Variants in C1QTNF3 observed in about 807,000 individuals in gnomAD.
The protein encoded by C1QTNF3 is C1q and TNF related 3, also known as complement C1q tumor necrosis factor-related protein 3.
A neutral mutation model predicts 32.6 loss-of-function variants in C1QTNF3; 26 were observed. The observed-to-expected ratio is 0.80, with a 90% CI of 0.58 to 1.11. C1QTNF3 has a LOEUF of 1.11. C1QTNF3 is among the 50% of genes least tolerant of loss of function. The pLI, the probability that C1QTNF3 is intolerant of heterozygous loss-of-function variation, is 0.00. For missense variants in C1QTNF3, 362 were observed against 398.2 expected, an observed-to-expected ratio of 0.91 and a Z score of 0.77; for synonymous variants, 155 against 146.0, an observed-to-expected ratio of 1.06 and a Z score of -0.44.
At chr5:34,096,659 G>A in the C1QTNF3 span, among the ~76,000 whole-genome samples, 60 of 143,452 alleles carry the variant, frequency 4.2e-4, no homozygotes, top group African/African-American at 1.5e-3. Flanking sequence ...ACAGAGGCAG[G>A]GAAGAAACAA....
chr5:34,216,208 T>C, the C1QTNF3 span, among the ~76,000 whole-genome samples: 2 of 152,238 alleles, frequency 1.3e-5, no homozygotes, highest in African/African-American at 2.4e-5. Flanking sequence ...TATCTCTACA[T>C]TCTTCTTTAA....
the C1QTNF3 span, among the ~76,000 whole-genome samples, chr5:34,212,894 C>A: frequency 6.6e-6 from 1 of 151,422 alleles, no homozygotes; most frequent in South Asian, 2.1e-4. Context: ...ACCCAGCCAT[C>A]CCATTACTGG....
At chr5:34,143,683 C>T in the C1QTNF3 span, among the ~76,000 whole-genome samples, 1 of 152,140 alleles carries the variant, frequency 6.6e-6, no homozygotes, top group Non-Finnish European at 1.5e-5. Flanking sequence ...TCCCACCAAA[C>T]TAAACTTCAT....
chr5:34,157,158 T>G, the C1QTNF3 span, among the ~76,000 whole-genome samples: 10 of 152,322 alleles, frequency 6.6e-5, no homozygotes, highest in African/African-American at 2.4e-4. Flanking sequence ...GTCTTCTGTT[T>G]TCAATTACTG....
chr5:34,234,248 C>T, the C1QTNF3 span, among the ~76,000 whole-genome samples: 2 of 152,214 alleles, frequency 1.3e-5, no homozygotes, highest in African/African-American at 2.4e-5. Context: ...TGATTTCTTG[C>T]TTACATATCA....
chr5:34,162,217 G>A, the C1QTNF3 span, among the ~76,000 whole-genome samples: 74,232 of 151,970 alleles, frequency 0.49, 20,470 homozygotes, highest in Non-Finnish European at 0.61. Context: ...GCATAGCAAT[G>A]GCAGGTGAGT....
intron 3 of C1QTNF3, among the ~76,000 whole-genome samples, chr5:34,030,458 G>T (rs1754584548): frequency 6.6e-6 from 1 of 152,096 alleles, no homozygotes; most frequent in African/African-American, 2.4e-5. Context: ...ATTAGTAATT[G>T]GGCCTCAAAT....
the C1QTNF3 span, among the ~76,000 whole-genome samples, chr5:34,083,913 A>C: frequency 1.3e-5 from 2 of 151,898 alleles, no homozygotes; most frequent in African/African-American, 4.9e-5. Context: ...TATATTTCAA[A>C]GAAGTTTCCA....
At chr5:34,198,808 G>A in the C1QTNF3 span, among the ~76,000 whole-genome samples, 1 of 42,422 alleles carries the variant, frequency 2.4e-5, no homozygotes, top group Non-Finnish European at 4.6e-5. Context: ...ATTTTAAAAC[G>A]GAATTTTCAA....
chr5:34,112,778 T>C, the C1QTNF3 span, among the ~76,000 whole-genome samples: 1 of 152,212 alleles, frequency 6.6e-6, no homozygotes, highest in African/African-American at 2.4e-5. Flanking sequence ...TAATTTTTAA[T>C]AATAACTAGG....
chr5:34,124,312 CTGT>C, the C1QTNF3 span: 1 of 569,360 alleles, frequency 1.8e-6, no homozygotes, highest in Non-Finnish European at 3.2e-6. Context: ...ATGTATTAGG[CTGT>C]TGTTGCACTG....
chr5:34,055,369 G>A, the C1QTNF3 span, among the ~76,000 whole-genome samples: 1 of 152,174 alleles, frequency 6.6e-6, no homozygotes, highest in Non-Finnish European at 1.5e-5. Flanking sequence ...TCCCACTACT[G>A]TCACACAAAA....
At chr5:34,098,410 G>T in the C1QTNF3 span, among the ~76,000 whole-genome samples, 1 of 152,048 alleles carries the variant, frequency 6.6e-6, no homozygotes, top group African/African-American at 2.4e-5. Flanking sequence ...AACTTGGTTA[G>T]TTCACAATAA....
the C1QTNF3 span, among the ~76,000 whole-genome samples, chr5:34,050,833 T>G: frequency 6.6e-6 from 1 of 152,236 alleles, no homozygotes; most frequent in South Asian, 2.1e-4. Context: ...ATATGTCAGC[T>G]TCTGTCTTCC....
chr5:34,230,934 T>A, the C1QTNF3 span, among the ~76,000 whole-genome samples: 136 of 151,606 alleles, frequency 9.0e-4, no homozygotes, highest in Non-Finnish European at 1.5e-3. Context: ...TTATTTCTTG[T>A]ATGCTTGGCA....
chr5:34,111,274 C>T, the C1QTNF3 span, among the ~76,000 whole-genome samples: 9 of 152,056 alleles, frequency 5.9e-5, no homozygotes, highest in African/African-American at 2.2e-4. Flanking sequence ...ACGAAGGTGG[C>T]TTTTCCAGCC....
the C1QTNF3 span, among the ~76,000 whole-genome samples, chr5:34,139,602 A>G: frequency 1.3e-5 from 2 of 152,022 alleles, no homozygotes; most frequent in Non-Finnish European, 2.9e-5. Context: ...ACTAGAAACA[A>G]TATATTTTTT....
At chr5:34,140,162 AGCTATATGAAATGAAAGGAGAAAT>A in the C1QTNF3 span, among the ~76,000 whole-genome samples, 1 of 152,132 alleles carries the variant, frequency 6.6e-6, no homozygotes, top group African/African-American at 2.4e-5. Flanking sequence ...GGAGAACCAG[AGCTATATGAAATGAAAGGAGAAAT>A]AAAAATGTCA....
the C1QTNF3 span, among the ~76,000 whole-genome samples, chr5:34,232,944 T>G: frequency 4.9e-5 from 4 of 81,246 alleles, no homozygotes; most frequent in East Asian, 1.6e-3. Flanking sequence ...TACATTTCAA[T>G]GGCTCTGTTC....
Sources: allele counts gnomAD v4.1 joint callset (sites outside exome capture counted in the v4.1 genomes callset), GRCh38; gene constraint gnomAD v4.1.1; transcripts MANE v1.5; gene names NCBI Gene and HGNC (gene_info 2026-07-23, HGNC 2026-07-21).